BTBD7: variants seen among roughly 807,000 people sequenced by gnomAD.
BTBD7 encodes the protein BTB domain containing 7, also known as BTB/POZ domain-containing protein 7.
Under a neutral mutation model 99.9 loss-of-function variants are expected in BTBD7, and 38 were observed. That is an observed-to-expected ratio of 0.38 (90% CI 0.29 to 0.50). The LOEUF (loss-of-function observed/expected upper bound fraction) is 0.50, where lower values mean the gene tolerates loss of function less well. BTBD7 is among the 20% of genes least tolerant of loss of function. The probability of loss-of-function intolerance (pLI) is 0.93; values close to 1 mark genes in which losing one functional copy is unlikely to be tolerated. For missense variants in BTBD7, 1,170 were observed against 1,394.6 expected (o/e 0.84, Z 2.57); for synonymous variants, 520 against 511.4 (o/e 1.02, Z -0.23).
intron 3 of BTBD7, among the ~76,000 whole-genome samples, chr14:93,291,153 CTT>C (rs547631103): frequency 5.9e-4 from 89 of 151,862 alleles, no homozygotes; most frequent in Non-Finnish European, 1.1e-3. Flanking sequence ...ATTTTTTAAA[CTT>C]AAAGTTATTT....
At chr14:93,327,756 C>A (rs555123861) in intron 1 of BTBD7, among the ~76,000 whole-genome samples, 2 of 152,206 alleles carry the variant, frequency 1.3e-5, no homozygotes, top group African/African-American at 4.8e-5. Context: ...CTAGTCGACA[C>A]AGTACCGGAA....
chr14:93,246,481 G>A (rs556974849), intron 9 of BTBD7, among the ~76,000 whole-genome samples, 195 bp from the exon 10 acceptor site: 6 of 152,242 alleles, frequency 3.9e-5, no homozygotes, highest in Non-Finnish European at 8.8e-5. Flanking sequence ...ACAGAGTGCA[G>A]CCTAGGACAC....
intron 3 of BTBD7, among the ~76,000 whole-genome samples, chr14:93,276,751 A>T (rs2052660202): frequency 1.3e-5 from 2 of 152,176 alleles, no homozygotes; most frequent in African/African-American, 4.8e-5. Context: ...AAGTTGTGTG[A>T]GAGACAAAAG....
chr14:93,314,582 A>G (rs1218354642), intron 1 of BTBD7, among the ~76,000 whole-genome samples: 1 of 152,234 alleles, frequency 6.6e-6, no homozygotes, highest in Non-Finnish European at 1.5e-5. Context: ...ATTGAGGGTC[A>G]CATCCAATTT....
At chr14:93,330,888 C>A (rs1440505030) in intron 1 of BTBD7, among the ~76,000 whole-genome samples, 3 of 152,168 alleles carry the variant, frequency 2.0e-5, no homozygotes, top group South Asian at 2.1e-4. Context: ...TGCTTTAAAT[C>A]CTAAAATCAG....
At chr14:93,267,906 C>G (rs896214773) in intron 3 of BTBD7, among the ~76,000 whole-genome samples, 7 of 151,902 alleles carry the variant, frequency 4.6e-5, no homozygotes, top group African/African-American at 1.4e-4. Flanking sequence ...CTAATCTGCT[C>G]TCTGTACTGT....
intron 3 of BTBD7, among the ~76,000 whole-genome samples, chr14:93,280,664 T>A (rs898181447): frequency 2.0e-5 from 3 of 152,126 alleles, no homozygotes; most frequent in Non-Finnish European, 4.4e-5. Flanking sequence ...GTAATCCCCT[T>A]GTGGAGACAT....
intron 3 of BTBD7, among the ~76,000 whole-genome samples, chr14:93,290,448 G>A (rs1317271333): frequency 2.7e-5 from 4 of 149,924 alleles, no homozygotes; most frequent in Non-Finnish European, 4.4e-5. Context: ...TCCTGACCTC[G>A]TGATCTGCCT....
At chr14:93,320,434 C>T (rs765758598) in intron 1 of BTBD7, among the ~76,000 whole-genome samples, 1 of 152,178 alleles carries the variant, frequency 6.6e-6, no homozygotes, top group Non-Finnish European at 1.5e-5. Context: ...AATTACCTGG[C>T]CCCAAATGTC....
intron 3 of BTBD7, among the ~76,000 whole-genome samples, chr14:93,282,335 C>CTT (rs71129622): frequency 0.17 from 23,183 of 139,892 alleles, 2,071 homozygotes; most frequent in East Asian, 0.31. Flanking sequence ...ATGCTTTTTT[C>CTT]TTTTTTTTTT....
intron 3 of BTBD7, among the ~76,000 whole-genome samples, chr14:93,265,421 G>A (rs150747894): frequency 8.2e-4 from 125 of 152,330 alleles, no homozygotes; most frequent in Middle Eastern, 3.4e-3. Flanking sequence ...AGATAGGGAC[G>A]GCTATCTTCA....
chr14:93,285,978 TG>T (rs1419506122), intron 3 of BTBD7, among the ~76,000 whole-genome samples: 1 of 152,136 alleles, frequency 6.6e-6, no homozygotes, highest in Non-Finnish European at 1.5e-5. Flanking sequence ...GGCTGCAGGA[TG>T]GGGACTCCAC....
At chr14:93,318,038 G>A (rs7143030) in intron 1 of BTBD7, among the ~76,000 whole-genome samples, 18,401 of 152,120 alleles carry the variant, frequency 0.12, 1,416 homozygotes, top group African/African-American at 0.22. Context: ...GGGCATTTTC[G>A]CTTTGTATTT....
At chr14:93,331,882 C>CCG (rs1555394542) in intron 1 of BTBD7, among the ~76,000 whole-genome samples, 2 of 146,190 alleles carry the variant, frequency 1.4e-5, no homozygotes, top group Admixed American at 6.6e-5. Flanking sequence ...CTCCGTCTCC[C>CCG]CCCCCCCAAA....
intron 6 of BTBD7, 110 bp downstream of exon 6, chr14:93,257,085 A>G: frequency 9.0e-7 from 1 of 1,106,038 alleles, no homozygotes; most frequent in Admixed American, 2.3e-5. Context: ...TCCTCACAGA[A>G]TTACAGCTTC....
At chr14:93,300,318 C>T (rs1415401342) in intron 1 of BTBD7, among the ~76,000 whole-genome samples, 5 of 143,680 alleles carry the variant, frequency 3.5e-5, no homozygotes, top group African/African-American at 7.8e-5. Context: ...AGTGCAGTGG[C>T]GTGATCTCAG....
chr14:93,269,600 G>A (rs147138326), intron 3 of BTBD7, among the ~76,000 whole-genome samples: 5 of 152,188 alleles, frequency 3.3e-5, no homozygotes, highest in African/African-American at 9.7e-5. Flanking sequence ...AAACTATCGC[G>A]AGTCATGCTA....
At position 93,304,683 on chromosome 14, in the gene BTBD7, G is replaced by A. The variant is rs540841209; in HGVS notation, c.-106-8526C>T. Among the ~76,000 whole-genome samples the A allele has an allele frequency of 8.5e-5, 13 of 152,296 alleles. 1 individual carries two copies. The highest frequency in any genetic ancestry group is 2.9e-4 in the African/African-American group (12 of 41,568). ...TGAGTTTAAAGAGGACTTGCAGAGA[G>A]AAATAGAACTGACATCAGAGAATAC... On this transcript the variant is annotated intron_variant, in intron 1 of 10. Coordinates refer to ENST00000334746, the MANE Select transcript of BTBD7 (RefSeq NM_001002860.4).
intron 1 of BTBD7, among the ~76,000 whole-genome samples, chr14:93,331,199 A>G (rs960312229): frequency 6.6e-6 from 1 of 152,106 alleles, no homozygotes; most frequent in African/African-American, 2.4e-5. Flanking sequence ...CCAAAACCCT[A>G]TGGATAGGGG....
Sources: allele counts gnomAD v4.1 joint callset (sites outside exome capture counted in the v4.1 genomes callset), GRCh38; gene constraint gnomAD v4.1.1; transcripts MANE v1.5; gene names NCBI Gene and HGNC (gene_info 2026-07-23, HGNC 2026-07-21).